Variants in ULK4 observed in about 807,000 individuals in gnomAD.
ULK4 encodes the protein inactive serine/threonine-protein kinase ULK4.
In ULK4, 133 loss-of-function variants were observed where a neutral mutation model predicts 160.6. The observed-to-expected ratio is 0.83, with a 90% confidence interval of 0.72 to 0.96. ULK4 has a LOEUF of 0.96. Ranked by LOEUF, ULK4 falls within the 40% of genes least tolerant of loss-of-function variation. The pLI is 0.00. For synonymous variants in ULK4, 534 were observed against 539.8 expected (o/e 0.99, Z 0.15); for missense variants, 1,580 against 1,499.5 (o/e 1.05, Z -0.89).
chr3:41,884,101 T>G (rs1697629284), intron 16 of ULK4, 149 bp from the exon 17 acceptor site: 1 of 652,234 alleles, frequency 1.5e-6, no homozygotes, highest in Admixed American at 2.6e-5. Context: ...CACTCCCACA[T>G]GTACACAGCC....
At chr3:41,955,326 T>G (rs1459203066) in intron 1 of ULK4, 2 of 152,480 alleles carry the variant, frequency 1.3e-5, no homozygotes, top group Non-Finnish European at 2.9e-5. Flanking sequence ...ATATTCAAGT[T>G]CCCATCAACA....
chr3:41,844,439 G>A (rs1034543885), intron 17 of ULK4, among the ~76,000 whole-genome samples: 13 of 152,148 alleles, frequency 8.5e-5, no homozygotes, highest in South Asian at 2.1e-4. Flanking sequence ...GCCCGGGGCC[G>A]GCAGGGCCAG....
chr3:41,928,095 TA>T (rs1699448567), intron 5 of ULK4, among the ~76,000 whole-genome samples: 2 of 152,246 alleles, frequency 1.3e-5, no homozygotes, highest in South Asian at 4.1e-4. Context: ...ATCGACCACA[TA>T]ATTGGAAGTA....
chr3:41,425,583 T>C (rs2082759431), intron 34 of ULK4, among the ~76,000 whole-genome samples: 1 of 151,678 alleles, frequency 6.6e-6, no homozygotes, highest in Admixed American at 6.6e-5. Context: ...ATCAGACTAA[T>C]GGCATAACCT....
chr3:41,424,644 C>T (rs1426185150), intron 34 of ULK4, among the ~76,000 whole-genome samples: 1 of 152,074 alleles, frequency 6.6e-6, no homozygotes, highest in African/African-American at 2.4e-5. Flanking sequence ...CAAATAGGGT[C>T]TGGAGTGGAC....
chr3:41,279,122 C>A (rs904469474), intron 35 of ULK4, among the ~76,000 whole-genome samples: 3 of 151,950 alleles, frequency 2.0e-5, no homozygotes, highest in African/African-American at 7.3e-5. Flanking sequence ...GAGCTGAAAA[C>A]CACAGCACAA....
chr3:41,748,845 A>T (rs2038513040), intron 22 of ULK4, among the ~76,000 whole-genome samples: 1 of 152,200 alleles, frequency 6.6e-6, no homozygotes, highest in Non-Finnish European at 1.5e-5. Flanking sequence ...CAGGATAATA[A>T]TATCTTGTAG....
chr3:41,313,991 T>G (rs896866469), intron 35 of ULK4, among the ~76,000 whole-genome samples: 1 of 152,098 alleles, frequency 6.6e-6, no homozygotes, highest in Non-Finnish European at 1.5e-5. Context: ...GAGCAGGTCA[T>G]GTACAAGGGT....
chr3:41,486,581 G>C (rs989485243), intron 32 of ULK4, among the ~76,000 whole-genome samples: 1 of 152,182 alleles, frequency 6.6e-6, no homozygotes, highest in Admixed American at 6.6e-5. Context: ...CATGGAGGTA[G>C]ATGGCCTAAC....
intron 35 of ULK4, among the ~76,000 whole-genome samples, chr3:41,315,175 G>C (rs902621417): frequency 2.0e-5 from 3 of 152,172 alleles, no homozygotes; most frequent in Middle Eastern, 3.4e-3. Flanking sequence ...TCTCATATCT[G>C]CTTCTACATT....
rs185439563 is a variant in ULK4 at position 41,952,446 on chromosome 3, T to A, written c.138+2176A>T. On this transcript the variant is annotated intron_variant, in intron 2 of 36. Coordinates refer to ENST00000301831, the MANE Select transcript of ULK4 (RefSeq NM_017886.4). ...TTCTCCAAAGGAGATATACAAATTG[T>A]CTATAAGCATATGAAAAGATGCTGC... 9.2e-5 allele frequency among the ~76,000 whole-genome samples: 14 copies of A among 152,226 alleles called. No homozygotes were observed. The East Asian group carries it at 2.7e-3, about 29-fold the overall frequency.
chr3:41,464,948 C>T (rs181205476), intron 32 of ULK4, among the ~76,000 whole-genome samples: 43 of 152,182 alleles, frequency 2.8e-4, no homozygotes, highest in African/African-American at 9.9e-4. Flanking sequence ...CAATCAAATC[C>T]CTGCTGGGAC....
chr3:41,541,824 T>C (rs576863816), intron 32 of ULK4, among the ~76,000 whole-genome samples: 1 of 152,020 alleles, frequency 6.6e-6, no homozygotes, highest in Admixed American at 6.6e-5. Flanking sequence ...ATTTTGGCTG[T>C]TATTGGTGTA....
intron 35 of ULK4, among the ~76,000 whole-genome samples, chr3:41,268,085 G>C (rs2079075102): frequency 6.6e-6 from 1 of 152,192 alleles, no homozygotes; most frequent in Admixed American, 6.5e-5. Flanking sequence ...CTGGGGATAA[G>C]GGGAGGTGGA....
chr3:41,951,547 A>G (rs1700296780), intron 2 of ULK4, among the ~76,000 whole-genome samples: 1 of 152,224 alleles, frequency 6.6e-6, no homozygotes, highest in African/African-American at 2.4e-5. Context: ...ACCCTCACAC[A>G]TATGGTCAAA....
At chr3:41,298,111 C>T (rs191939441) in intron 35 of ULK4, among the ~76,000 whole-genome samples, 8 of 152,304 alleles carry the variant, frequency 5.3e-5, no homozygotes, top group Admixed American at 4.6e-4. Context: ...TAATATCATA[C>T]ACCATATACA....
intron 16 of ULK4, among the ~76,000 whole-genome samples, chr3:41,889,651 A>G (rs554433342): frequency 4.3e-4 from 65 of 152,348 alleles, no homozygotes; most frequent in African/African-American, 1.5e-3. Flanking sequence ...GTTTACCTAT[A>G]TAACAAATCT....
chr3:41,347,045 T>C (rs2080814148), intron 35 of ULK4, among the ~76,000 whole-genome samples: 1 of 151,098 alleles, frequency 6.6e-6, no homozygotes, highest in East Asian at 1.9e-4. Flanking sequence ...AATCCCCCCT[T>C]TTTAGACATA....
At chr3:41,364,837 G>A (rs4544584) in intron 35 of ULK4, among the ~76,000 whole-genome samples, 2 of 151,872 alleles carry the variant, frequency 1.3e-5, no homozygotes, top group African/African-American at 2.4e-5. Context: ...TCTTTTTTAC[G>A]GCTTCAATAA....
Sources: gnomAD v4.1 joint callset for allele counts (sites outside exome capture counted in the v4.1 genomes callset) on GRCh38, gnomAD v4.1.1 for gene constraint, MANE v1.5 for transcripts, NCBI Gene and HGNC (gene_info 2026-07-23, HGNC 2026-07-21) for gene names.